ADGRE2: variants seen among roughly 807,000 people sequenced by gnomAD.
ADGRE2 encodes the protein CD97 antigen.
A neutral mutation model predicts 100.8 loss-of-function variants in ADGRE2; 83 were observed. The observed-to-expected ratio is 0.82, with a 90% CI of 0.69 to 0.99. The LOEUF is 0.99. ADGRE2 is among the 50% of genes least tolerant of loss of function. The probability of loss-of-function intolerance (pLI) is 0.00; values close to 1 mark genes in which losing one functional copy is unlikely to be tolerated. For missense variants in ADGRE2, 814 were observed against 1,035.7 expected (o/e 0.79, Z 2.94); for synonymous variants, 355 against 413.0 (o/e 0.86, Z 1.70).
chr19:14,759,503 A>ATATATATATATATATATATTTT (rs60789454), intron 11 of ADGRE2, among the ~76,000 whole-genome samples: 10 of 133,370 alleles, frequency 7.5e-5, no homozygotes, highest in African/African-American at 2.7e-4. Context: ...ATATATATAT[A>ATATATATATATATATATATTTT]TTTTTTTTTT....
chr19:14,752,655 A>T, intron 14 of ADGRE2, 129 bp from the exon 15 acceptor site: 1 of 1,154,282 alleles, frequency 8.7e-7, no homozygotes, highest in Non-Finnish European at 1.2e-6. Context: ...ATTTGTGAAG[A>T]TGTCACCAAT....
rs766097193 is a variant in ADGRE2, at chr19:14,752,370, G to A, written c.1747C>T (p.His583Tyr). 15 of 1,614,168 alleles carry A rather than the reference G, an allele frequency of 9.3e-6. No individual in the cohort carries two copies. The highest frequency in any genetic ancestry group is 1.3e-5 in the Non-Finnish European group (15 of 1,180,030). ...LQLSLCLFLA[H>Y]LLFLVAIDQT... is the part of the protein sequence containing the mutation. ...TCAATTGCCACGAGGAAGAGGAGGT[G>A]GGCCAGGAAGAGGCAGAGCGAGAGC... The change falls in exon 15 of 21, where the codon CAC (histidine) becomes TAC (tyrosine). Residue 583 changes from histidine to tyrosine, a missense_variant. Coordinates refer to ENST00000315576, the MANE Select transcript of ADGRE2 (RefSeq NM_013447.4).
intron 5 of ADGRE2, chr19:14,772,104 G>A (rs1363273979): frequency 1.8e-6 from 1 of 568,404 alleles, no homozygotes; most frequent in Non-Finnish European, 3.1e-6. Context: ...TATCATTTAG[G>A]TAACAGGTGG....
At chr19:14,748,887 A>G (rs905646672) in intron 16 of ADGRE2, among the ~76,000 whole-genome samples, 1 of 152,128 alleles carries the variant, frequency 6.6e-6, no homozygotes, top group Non-Finnish European at 1.5e-5. Flanking sequence ...AAATCCTCAA[A>G]AAAATACTAG....
chr19:14,755,738 C>A lies in ADGRE2; in HGVS notation c.1332G>T (p.Leu444=). Residue 444 remains leucine (L), a synonymous_variant, in exon 13 of 21, where the codon CTG becomes CTT. Transcript: ENST00000315576. The part of the protein sequence containing the change: ...QGLLQDGSPI[L]LSDVISAFLS... ...GAAAGGCAGAGATCACATCTGAGAG[C>A]AGGATGGGGGAGCCGTCCTGCAGCA... 1 of 1,614,182 alleles carries A rather than the reference C, an allele frequency of 6.2e-7. No individual in the cohort carries two copies. Among genetic ancestry groups the A allele is most frequent in the South Asian group, 1.1e-5 (1 of 91,084 alleles).
chr19:14,731,049 C>A, downstream of ADGRE2: 1 of 762,758 alleles, frequency 1.3e-6, no homozygotes, highest in South Asian at 1.5e-5. Context: ...CATAGGCAGT[C>A]CCTTACATGC....
Position 14,732,987 on chromosome 19 carries a change from G to A in ADGRE2, c.*3249C>T, listed in dbSNP as rs1340589376. Reference sequence around the variant, plus strand: ...CTCTAGGTAGACTCTATGGGGATATGGGCTCTACACTCATAGGGACCCACA... The same window carrying A: ...CTCTAGGTAGACTCTATGGGGATATAGGCTCTACACTCATAGGGACCCACA... On this transcript the variant is annotated 3_prime_UTR_variant, in exon 21 of 21. Coordinates refer to ENST00000315576, the MANE Select transcript of ADGRE2 (RefSeq NM_013447.4). 4 of 152,118 alleles carry A rather than the reference G, an allele frequency of 2.6e-5. No homozygotes were observed. Among genetic ancestry groups the A allele is most frequent in the Non-Finnish European group, 4.4e-5 (3 of 68,024 alleles). 9.4% of individuals were successfully genotyped at this position (152,118 alleles called of 1,614,324 possible).
intron 11 of ADGRE2, among the ~76,000 whole-genome samples, chr19:14,759,510 T>A (rs1160125727): frequency 2.7e-5 from 4 of 148,960 alleles, no homozygotes; most frequent in African/African-American, 9.9e-5. Context: ...TATATTTTTT[T>A]TTTTTAGACG....
the ADGRE2 span, among the ~76,000 whole-genome samples, chr19:14,726,020 G>T: frequency 6.6e-6 from 1 of 152,136 alleles, no homozygotes; most frequent in South Asian, 2.1e-4. Flanking sequence ...CTCCTTCCTG[G>T]GCACCGTGGC....
Position 14,736,017 on chromosome 19 carries a change from A to G in ADGRE2, c.*219T>C, listed in dbSNP as rs2042738497. The stretch of plus-strand genomic sequence containing the variant: ...ATATGGGCCACAGCTGGCCGTCCAT[A>G]TGCTGAGAGTTTGATGAGCACATTG... On this transcript the variant is annotated 3_prime_UTR_variant, in exon 21 of 21. Transcript: ENST00000315576. 2 of 504,778 alleles carry G rather than the reference A, an allele frequency of 4.0e-6. No homozygotes were observed. The highest frequency in any genetic ancestry group is 3.7e-6 in the Non-Finnish European group (1 of 271,290). 31.3% of individuals were successfully genotyped at this position (504,778 alleles called of 1,614,324 possible). A position where few individuals can be genotyped will look rare whatever the true frequency, so the allele number is the denominator to read the frequency against.
In ADGRE2 at chr19:14,759,815, ATTTTTTT is replaced by A. The variant is rs71333311; in HGVS notation, c.1085-3477_1085-3471del. Among the ~76,000 whole-genome samples, 373 of 95,542 alleles carry A rather than the reference ATTTTTTT, an allele frequency of 3.9e-3. 2 individuals carry two copies. Among genetic ancestry groups the A allele is most frequent in the African/African-American group, 0.016 (342 of 21,542 alleles). The allele number at this position is 95,542 out of a possible 152,430, so 62.7% of individuals were successfully genotyped here. ...AGCCACCTCTCCGCTTATTAAGCAG[ATTTTTTT>A]TTTTTTTTTTTTTTGAGACGGAGTC... On this transcript the variant is annotated intron_variant, in intron 11 of 20. Coordinates refer to ENST00000315576, the MANE Select transcript of ADGRE2 (RefSeq NM_013447.4).
chr19:14,730,041 GAA>G (rs1046159804), downstream of ADGRE2, among the ~76,000 whole-genome samples: 12 of 152,080 alleles, frequency 7.9e-5, no homozygotes, highest in African/African-American at 2.9e-4. Context: ...AAAATAGAGA[GAA>G]GAGAGTTATT....
chr19:14,746,780 C>A, intron 17 of ADGRE2, 116 bp downstream of exon 17: 1 of 963,426 alleles, frequency 1.0e-6, no homozygotes, highest in Non-Finnish European at 1.6e-6. Flanking sequence ...CTTAGGAAAC[C>A]TAACCCAACC....
At chr19:14,767,213 C>T (rs1168620178) in intron 5 of ADGRE2, 104 bp from the exon 6 acceptor site, 12 of 1,533,446 alleles carry the variant, frequency 7.8e-6, no homozygotes, top group South Asian at 3.6e-5. Context: ...GAAGGCACCA[C>T]TGTCTGCTCC....
At position 14,746,239 on chromosome 19, in the gene ADGRE2, T is replaced by G; in HGVS notation, c.2176A>C (p.Asn726His). The G allele has an allele frequency of 6.3e-7, 1 of 1,594,086 alleles. No individual in the cohort carries two copies. Among genetic ancestry groups the G allele is most frequent in the Non-Finnish European group, 8.6e-7 (1 of 1,162,394 alleles). Residue 726 changes from asparagine to histidine, a missense_variant, in exon 18 of 21, where the codon AAC (asparagine) becomes CAC (histidine). Asn to His is a moderately conservative substitution (Grantham distance 68). This residue lies in a region of ADGRE2 where 569 missense variants were observed against 692.7 expected (regional missense o/e 0.82). Coordinates refer to ENST00000315576, the MANE Select transcript of ADGRE2 (RefSeq NM_013447.4). The stretch of plus-strand genomic sequence containing the variant: ...CCCCCTTCTCCATCTTACCTTGTGT[T>G]CCGGAGGGTGGACACTTCACTATTG... Reference protein sequence around the residue: ...SLNSEVSTLRNTRMLAFKATA... With the variant: ...SLNSEVSTLRHTRMLAFKATA...
At chr19:14,757,629 G>A (rs1204435768) in intron 11 of ADGRE2, among the ~76,000 whole-genome samples, 3 of 152,118 alleles carry the variant, frequency 2.0e-5, no homozygotes, top group Admixed American at 2.0e-4. Flanking sequence ...TCAACAAATA[G>A]TGCTGGGATT....
At chr19:14,737,718 T>A (rs1457341374) in intron 20 of ADGRE2, among the ~76,000 whole-genome samples, 2 of 151,970 alleles carry the variant, frequency 1.3e-5, no homozygotes, top group Non-Finnish European at 2.9e-5. Flanking sequence ...TCCCAGCACT[T>A]TGGGAGGCCG....
At chr19:14,762,703 G>A (rs934425129) in intron 11 of ADGRE2, among the ~76,000 whole-genome samples, 9 of 151,952 alleles carry the variant, frequency 5.9e-5, no homozygotes, top group Non-Finnish European at 1.0e-4. Context: ...GAGTGCAGTG[G>A]TGCAAACTTG....
In ADGRE2 at chr19:14,735,638, C is replaced by G. The variant is rs570841466; in HGVS notation, c.*598G>C. 1 of 152,110 alleles carries G rather than the reference C, an allele frequency of 6.6e-6. No homozygotes were observed. Among genetic ancestry groups the G allele is most frequent in the Non-Finnish European group, 1.5e-5 (1 of 68,020 alleles). 9.4% of individuals were successfully genotyped at this position (152,110 alleles called of 1,614,324 possible). A position where few individuals can be genotyped will look rare whatever the true frequency, so the allele number is the denominator to read the frequency against. ...GTAGAAACCTGATTTCTAGGAATTT[C>G]GGCTTCTGAGTCAACTCTAGCTGCA... On this transcript the variant is annotated 3_prime_UTR_variant, in exon 21 of 21. Transcript: ENST00000315576.
Sources: gnomAD v4.1 joint callset for allele counts (sites outside exome capture counted in the v4.1 genomes callset) on GRCh38, gnomAD v4.1.1 for gene constraint, gnomAD v4.1.1 regional missense constraint, MANE v1.5 for transcripts, NCBI Gene and HGNC (gene_info 2026-07-23, HGNC 2026-07-21) for gene names.